The following ABCC4 variants were observed in gnomAD, a reference collection of about 807,000 sequenced individuals.
ABCC4 encodes ATP-binding cassette sub-family C member 4.
In ABCC4, 102 loss-of-function variants were observed where a neutral mutation model predicts 168.5. That is an observed-to-expected ratio of 0.61 (90% CI 0.52 to 0.71). ABCC4 has a LOEUF of 0.71. Ranked by LOEUF, ABCC4 falls within the 30% of genes least tolerant of loss-of-function variation. The probability of loss-of-function intolerance (pLI) is 0.00; values close to 1 mark genes in which losing one functional copy is unlikely to be tolerated. For synonymous variants in ABCC4, 617 were observed against 590.7 expected, an observed-to-expected ratio of 1.04 and a Z score of -0.65; for missense variants, 1,402 against 1,605.8, an observed-to-expected ratio of 0.87 and a Z score of 2.17.
intron 3 of ABCC4, among the ~76,000 whole-genome samples, chr13:95,243,161 T>C (rs2039992075): frequency 6.6e-6 from 1 of 152,158 alleles, no homozygotes; most frequent in African/African-American, 2.4e-5. Flanking sequence ...CCGCCAGCAC[T>C]GTGTGGGTCC....
At chr13:95,179,679 G>T (rs1182981454) in intron 11 of ABCC4, among the ~76,000 whole-genome samples, 1 of 152,090 alleles carries the variant, frequency 6.6e-6, no homozygotes, top group Non-Finnish European at 1.5e-5. Flanking sequence ...AACATCGCTG[G>T]GTATTGACTG....
chr13:95,052,125 C>T lies in ABCC4; in HGVS notation c.3456+970G>A, dbSNP rs541896885. Reference sequence around the variant, plus strand: ...CCTCCTGAGTAGCTGGGACTACAGGCGCACACCACCATACCCAGCTAATCT... The same window carrying T: ...CCTCCTGAGTAGCTGGGACTACAGGTGCACACCACCATACCCAGCTAATCT... On this transcript the variant is annotated intron_variant, in intron 27 of 30. Coordinates refer to ENST00000645237, the MANE Select transcript of ABCC4 (RefSeq NM_005845.5). Among the ~76,000 whole-genome samples, 5 of 152,134 alleles carry T rather than the reference C, an allele frequency of 3.3e-5. No individual in the cohort carries two copies. The East Asian group carries it at 5.8e-4, about 18-fold the overall frequency.
chr13:95,107,435 T>C (rs1196363969), intron 20 of ABCC4, among the ~76,000 whole-genome samples: 1 of 152,222 alleles, frequency 6.6e-6, no homozygotes, highest in Non-Finnish European at 1.5e-5. Context: ...CTATAAAGAA[T>C]GCACTTCCAG....
chr13:95,140,192 G>T (rs1366977011), intron 19 of ABCC4, among the ~76,000 whole-genome samples: 2 of 152,162 alleles, frequency 1.3e-5, no homozygotes, highest in African/African-American at 4.8e-5. Context: ...CACCATAACT[G>T]GTACACCTAC....
chr13:95,210,621 C>A, intron 5 of ABCC4, 71 bp downstream of exon 5: 1 of 1,329,498 alleles, frequency 7.5e-7, no homozygotes, highest in Non-Finnish European at 1.1e-6. Context: ...GAGCCCCTGC[C>A]TCCAGAAAGA....
Position 95,054,410 on chromosome 13 carries a change from C to T in ABCC4, c.3367-1226G>A, listed in dbSNP as rs918738423. ...AAAGTTTTCTTCTGGTAGCTGGGTG[C>T]GGTGGCGGGCACCTGTAGTCCCAGC... On this transcript the variant is annotated intron_variant, in intron 26 of 30. Coordinates refer to ENST00000645237, the MANE Select transcript of ABCC4 (RefSeq NM_005845.5). Among the ~76,000 whole-genome samples the T allele has an allele frequency of 5.9e-5, 9 of 151,548 alleles. No homozygotes were observed. In the East Asian group the frequency reaches 7.8e-4, roughly 13 times the overall value.
chr13:95,070,212 C>G (rs1220941833), intron 25 of ABCC4, among the ~76,000 whole-genome samples: 6 of 152,086 alleles, frequency 3.9e-5, no homozygotes. Flanking sequence ...ACATTGCACT[C>G]CAGCCTGGGC....
At chr13:95,139,932 G>A (rs1176092219) in intron 19 of ABCC4, among the ~76,000 whole-genome samples, 1 of 152,164 alleles carries the variant, frequency 6.6e-6, no homozygotes, top group Non-Finnish European at 1.5e-5. Flanking sequence ...GCAGATGGAA[G>A]GCTTCCCACT....
chr13:95,196,646 A>G lies in ABCC4; in HGVS notation c.1162-1709T>C, dbSNP rs1185160621. Among the ~76,000 whole-genome samples, 27 of 35,598 alleles carry G rather than the reference A, an allele frequency of 7.6e-4. 1 individual carries two copies. The highest frequency in any genetic ancestry group is 2.6e-3 in the African/African-American group (17 of 6,548). The allele number at this position is 35,598 out of a possible 152,430, so 23.4% of individuals were successfully genotyped here. ...GAAGGAAGGAAGGAAGGAAGGAAGG[A>G]AGGAAGGAAGGAAGGAAGGAAGGAA... is the stretch of plus-strand genomic sequence containing the variant. On this transcript the variant is annotated intron_variant, in intron 8 of 30. Coordinates refer to ENST00000645237, the MANE Select transcript of ABCC4 (RefSeq NM_005845.5).
intron 20 of ABCC4, among the ~76,000 whole-genome samples, chr13:95,086,001 G>A (rs2034244359): frequency 3.2e-5 from 1 of 31,382 alleles, no homozygotes; most frequent in African/African-American, 1.1e-4. Context: ...TCCTACACAC[G>A]ATTCATATTT....
chr13:95,162,921 G>A (rs2139548847), intron 18 of ABCC4, among the ~76,000 whole-genome samples: 1 of 152,284 alleles, frequency 6.6e-6, no homozygotes, highest in East Asian at 1.9e-4. Flanking sequence ...CCAGTACAGA[G>A]CAAATTAAGA....
Position 95,095,457 on chromosome 13 carries a change from T to C in ABCC4, c.2536-12167A>G, listed in dbSNP as rs149064716. ...CTCAGGAATGGAAAACCAAACATTG[T>C]ATGTTCTCACTGATACATGGGAGCT... On this transcript the variant is annotated intron_variant, in intron 20 of 30. Coordinates refer to ENST00000645237, the MANE Select transcript of ABCC4 (RefSeq NM_005845.5). Among the ~76,000 whole-genome samples, 281 of 152,286 alleles carry C rather than the reference T, an allele frequency of 1.8e-3. 3 individuals are homozygous for C. The highest frequency in any genetic ancestry group is 5.7e-3 in the African/African-American group (238 of 41,550).
chr13:95,171,056 CT>C (rs1307601071), intron 13 of ABCC4, among the ~76,000 whole-genome samples: 4 of 148,432 alleles, frequency 2.7e-5, no homozygotes, highest in Admixed American at 2.1e-4. Context: ...AACGCCCCCC[CT>C]CCACCCCCCG....
chr13:95,185,255 G>GA (rs939319460), intron 11 of ABCC4, among the ~76,000 whole-genome samples: 5 of 150,902 alleles, frequency 3.3e-5, no homozygotes, highest in African/African-American at 9.7e-5. Context: ...GTGAGACAGA[G>GA]AAAAAAAAAT....
rs374351326 is a variant in ABCC4, at chr13:95,208,011, C to T, written c.786-86G>A. ...CAGGCACAGGCAGGGACCTGCATCA[C>T]ATGGTTCCCTACAGCGCTTTTGCTT... On this transcript the variant is annotated intron_variant, in intron 6 of 30. Transcript: ENST00000645237. The T allele has an allele frequency of 2.0e-6, 3 of 1,489,982 alleles. No individual in the cohort carries two copies. The African/African-American group carries it at 4.2e-5, about 21-fold the overall frequency. The allele number at this position is 1,489,982 out of a possible 1,614,324, so 92.3% of individuals were successfully genotyped here.
intron 1 of ABCC4, among the ~76,000 whole-genome samples, chr13:95,283,173 G>A (rs9516557): frequency 0.61 from 90,220 of 149,038 alleles, 29,513 homozygotes; most frequent in Middle Eastern, 0.75. Context: ...CTGAGATAGC[G>A]CCACTGCACT....
chr13:95,152,528 G>T (rs543166259), intron 19 of ABCC4, among the ~76,000 whole-genome samples: 1 of 152,092 alleles, frequency 6.6e-6, no homozygotes, highest in African/African-American at 2.4e-5. Flanking sequence ...GGGGAAACAA[G>T]GCTAACATAA....
At chr13:95,213,578 G>T (rs1181850639) in intron 4 of ABCC4, among the ~76,000 whole-genome samples, 2 of 152,000 alleles carry the variant, frequency 1.3e-5, no homozygotes, top group African/African-American at 4.8e-5. Context: ...GAAGATTCTG[G>T]AGGTCATGCA....
chr13:95,199,244 C>G (rs889420467), intron 8 of ABCC4, among the ~76,000 whole-genome samples: 1 of 152,188 alleles, frequency 6.6e-6, no homozygotes, highest in Non-Finnish European at 1.5e-5. Context: ...TAGTTCCGAT[C>G]AGTATATTGG....
Sources: gnomAD v4.1 joint callset for allele counts (sites outside exome capture counted in the v4.1 genomes callset) on GRCh38, gnomAD v4.1.1 for gene constraint, MANE v1.5 for transcripts, NCBI Gene and HGNC (gene_info 2026-07-23, HGNC 2026-07-21) for gene names.